Variants in TLN2 observed in about 807,000 individuals in gnomAD.
TLN2 encodes talin 2, also known as talin-2.
A neutral mutation model predicts 294.7 loss-of-function variants in TLN2; 118 were observed. The ratio of observed to expected loss-of-function variants is 0.40; its 90% CI spans 0.34 to 0.47. The LOEUF is 0.47. Among genes scored for constraint, TLN2 ranks in the 20% least tolerant of loss-of-function variants. The pLI is 0.84. For synonymous variants in TLN2, 1,431 were observed against 1,304.5 expected (o/e 1.10, Z -2.09); for missense variants, 3,083 against 3,282.2 (o/e 0.94, Z 1.48).
In TLN2 at chr15:62,761,663, CCT is replaced by C. The variant is rs745335265; in HGVS notation, c.4639-17_4639-16del. 11 of 1,613,972 alleles carry C rather than the reference CCT, an allele frequency of 6.8e-6. No homozygotes were observed. The highest frequency in any genetic ancestry group is 9.3e-6 in the Non-Finnish European group (11 of 1,179,984). ...GTGCTTCTCAATTGGGCAGAATCTC[CCT>C]GTTTTCTCCCATCAGGCCCTGGATG... On this transcript the variant is annotated splice_polypyrimidine_tract_variant and intron_variant, in intron 37 of 58. Transcript: ENST00000636159.
intron 1 of TLN2, among the ~76,000 whole-genome samples, chr15:62,399,824 T>C (rs2032886619): frequency 6.6e-6 from 1 of 152,212 alleles, no homozygotes; most frequent in African/African-American, 2.4e-5. Flanking sequence ...TACAGGCTTA[T>C]AGGTGAAAGG....
intron 9 of TLN2, among the ~76,000 whole-genome samples, chr15:62,669,852 G>A (rs1242307808): frequency 6.6e-6 from 1 of 152,116 alleles, no homozygotes; most frequent in East Asian, 1.9e-4. Flanking sequence ...GAAAATACAT[G>A]CCACACACAT....
intron 1 of TLN2, among the ~76,000 whole-genome samples, chr15:62,431,784 C>T (rs2035024398): frequency 6.6e-6 from 1 of 152,166 alleles, no homozygotes; most frequent in African/African-American, 2.4e-5. Context: ...AAGGAAATTT[C>T]TAAAAATGGA....
chr15:62,429,255 T>G (rs558719150), intron 1 of TLN2, among the ~76,000 whole-genome samples: 30 of 152,084 alleles, frequency 2.0e-4, no homozygotes, highest in Non-Finnish European at 3.8e-4. Context: ...CCTGTGTGGT[T>G]GGATGGTTCT....
intron 1 of TLN2, among the ~76,000 whole-genome samples, chr15:62,532,481 G>C (rs1485490659): frequency 1.3e-5 from 2 of 152,106 alleles, no homozygotes; most frequent in East Asian, 3.9e-4. Context: ...GACCCAGCCA[G>C]CAGTGAACTG....
intron 43 of TLN2, among the ~76,000 whole-genome samples, chr15:62,777,701 G>A (rs2141069774): frequency 6.6e-6 from 1 of 152,186 alleles, no homozygotes; most frequent in African/African-American, 2.4e-5. Flanking sequence ...ATCTAGCCAG[G>A]CACAGAAACC....
At chr15:62,628,140 G>A (rs1325225205) in intron 3 of TLN2, among the ~76,000 whole-genome samples, 1 of 152,190 alleles carries the variant, frequency 6.6e-6, no homozygotes, top group African/African-American at 2.4e-5. Flanking sequence ...GCTAATTGAT[G>A]GTTATTGCTC....
rs747801249 is a variant in TLN2, at chr15:62,686,700, G to C, written c.1017G>C (p.Ser339=). 2.5e-6 allele frequency: 4 copies of C among 1,614,010 alleles called. No homozygotes were observed. The highest frequency in any genetic ancestry group is 3.4e-6 in the Non-Finnish European group (4 of 1,179,956). Residue 339 remains serine, a synonymous_variant, in exon 12 of 59, where the codon TCG becomes TCC. Transcript: ENST00000636159. ...VPRLLGITKD[S]VMRVDEKTKE... ...GCCTGCTGGGGATCACCAAAGACTC[G>C]GTGATGCGCGTGGATGAGAAGACCA...
intron 50 of TLN2, among the ~76,000 whole-genome samples, chr15:62,804,042 G>A (rs1045303657): frequency 1.3e-5 from 2 of 152,148 alleles, no homozygotes; most frequent in Non-Finnish European, 2.9e-5. Context: ...ACTCATAAAG[G>A]TACCATCTTG....
At chr15:62,573,022 C>A (rs2044036578) in intron 1 of TLN2, among the ~76,000 whole-genome samples, 1 of 149,974 alleles carries the variant, frequency 6.7e-6, no homozygotes, top group South Asian at 2.1e-4. Flanking sequence ...CTAGTGGCTC[C>A]AGTGCCCCTG....
intron 55 of TLN2, chr15:62,833,852 A>G: frequency 2.0e-6 from 1 of 502,278 alleles, no homozygotes; most frequent in East Asian, 3.4e-5. Flanking sequence ...TGTTAAGGAA[A>G]GCATCCCATT....
At chr15:62,522,710 CT>C (rs1329377789) in intron 1 of TLN2, among the ~76,000 whole-genome samples, 3 of 151,920 alleles carry the variant, frequency 2.0e-5, no homozygotes, top group African/African-American at 7.3e-5. Context: ...TTTATTCTGC[CT>C]TTTCTTGTTG....
chr15:62,794,717 A>T (rs1253949250), intron 46 of TLN2, among the ~76,000 whole-genome samples: 7 of 152,116 alleles, frequency 4.6e-5, no homozygotes, highest in African/African-American at 1.7e-4. Flanking sequence ...TGGTCTTGGA[A>T]CGTGGTAGGT....
At chr15:62,812,418 AT>A (rs1189582298) in intron 52 of TLN2, among the ~76,000 whole-genome samples, 1 of 152,206 alleles carries the variant, frequency 6.6e-6, no homozygotes, top group Non-Finnish European at 1.5e-5. Flanking sequence ...TTTAACAAGA[AT>A]GTCACTGTGT....
intron 2 of TLN2, among the ~76,000 whole-genome samples, chr15:62,603,241 C>A (rs915871059): frequency 8.5e-5 from 13 of 152,270 alleles, no homozygotes; most frequent in Middle Eastern, 6.8e-3. Flanking sequence ...TTTCTCCTAC[C>A]CCATAGGTAA....
Position 62,820,540 on chromosome 15 carries a change from T to A in TLN2, c.6932T>A (p.Leu2311Gln). The change falls in exon 54 of 59, where the codon CTG becomes CAG. Residue 2311 changes from leucine to glutamine, a missense_variant. By Grantham distance (113) the Leu-to-Gln change is moderately radical. Transcript: ENST00000636159. The part of the protein sequence containing the change: ...DPTVIAETEL[L>Q]GAAASIEAAA... The stretch of plus-strand genomic sequence containing the variant: ...ACTGTCATTGCAGAAACAGAGTTAC[T>A]GGGGGCTGCAGCATCCATCGAAGCT... 6.2e-7 allele frequency: 1 copy of A among 1,613,956 alleles called. No homozygotes were observed. Among genetic ancestry groups the A allele is most frequent in the Non-Finnish European group, 8.5e-7 (1 of 1,179,914 alleles).
chr15:62,396,107 T>A (rs1224394733), intron 1 of TLN2, among the ~76,000 whole-genome samples: 1 of 152,200 alleles, frequency 6.6e-6, no homozygotes, highest in Non-Finnish European at 1.5e-5. Context: ...GTGCTATGAT[T>A]ACAGGCATGA....
Position 62,762,392 on chromosome 15 carries a change from G to A in TLN2, c.4900G>A (p.Val1634Ile). 6.2e-7 allele frequency: 1 copy of A among 1,614,166 alleles called. No individual in the cohort carries two copies. The highest frequency in any genetic ancestry group is 8.5e-7 in the Non-Finnish European group (1 of 1,180,032). The stretch of plus-strand genomic sequence containing the variant: ...CCCCAAAGACCCACCCACCTGGTCT[G>A]TACTGGCTGGACATTCCCATACAGT... The part of the protein sequence containing the change: ...INPKDPPTWS[V>I]LAGHSHTVSD... The change falls in exon 39 of 59, where the codon GTA becomes ATA. Residue 1634 changes from valine to isoleucine, a missense_variant. Val to Ile is a conservative substitution (Grantham distance 29). Transcript: ENST00000636159.
At chr15:62,508,024 A>G (rs1336301713) in intron 1 of TLN2, among the ~76,000 whole-genome samples, 3 of 151,596 alleles carry the variant, frequency 2.0e-5, no homozygotes, top group Non-Finnish European at 4.4e-5. Flanking sequence ...GCTTTTCTGT[A>G]TGTATTCTGG....
Sources: allele counts gnomAD v4.1 joint callset (sites outside exome capture counted in the v4.1 genomes callset), GRCh38; gene constraint gnomAD v4.1.1; transcripts MANE v1.5; gene names NCBI Gene and HGNC (gene_info 2026-07-23, HGNC 2026-07-21).